The following ZNF280D variants were observed in gnomAD, a reference collection of about 807,000 sequenced individuals.
ZNF280D encodes suppressor of hairy wing homolog 4.
A neutral mutation model predicts 94.7 loss-of-function variants in ZNF280D; 39 were observed. That is an observed-to-expected ratio of 0.41 (90% CI 0.32 to 0.54). ZNF280D has a LOEUF of 0.54. Ranked by LOEUF, ZNF280D falls within the 20% of genes least tolerant of loss-of-function variation. The pLI is 0.22. For synonymous variants in ZNF280D, 398 were observed against 377.6 expected (o/e 1.05, Z -0.63); for missense variants, 1,090 against 1,149.3 (o/e 0.95, Z 0.75).
intron 21 of ZNF280D, chr15:56,634,241 C>G (rs572236036): frequency 9.2e-5 from 14 of 152,122 alleles, no homozygotes; most frequent in African/African-American, 3.4e-4. Context: ...ATTTCAATCA[C>G]TTAACTCATT....
intron 16 of ZNF280D, among the ~76,000 whole-genome samples, chr15:56,664,002 T>C (rs2054123476): frequency 6.6e-6 from 1 of 152,242 alleles, no homozygotes; most frequent in Admixed American, 6.5e-5. Context: ...ATATCACATG[T>C]ACTCCACAAA....
intron 16 of ZNF280D, among the ~76,000 whole-genome samples, chr15:56,659,585 A>G (rs1470065945): frequency 6.6e-6 from 1 of 152,074 alleles, no homozygotes; most frequent in Non-Finnish European, 1.5e-5. Context: ...GGAAAAAAAA[A>G]GTATAGTACA....
intron 19 of ZNF280D, among the ~76,000 whole-genome samples, chr15:56,646,272 T>A (rs1368444585): frequency 2.6e-5 from 4 of 151,782 alleles, no homozygotes; most frequent in African/African-American, 4.8e-5. Context: ...AAAAAATTTT[T>A]AAAAAATTAG....
intron 14 of ZNF280D, among the ~76,000 whole-genome samples, chr15:56,667,830 C>T (rs935775586): frequency 6.6e-6 from 1 of 152,044 alleles, no homozygotes; most frequent in African/African-American, 2.4e-5. Context: ...TGGGGCAATA[C>T]CTGCCTTATT....
chr15:56,716,307 T>C (rs1012517658), intron 1 of ZNF280D, among the ~76,000 whole-genome samples: 3 of 152,234 alleles, frequency 2.0e-5, no homozygotes, highest in African/African-American at 2.4e-5. Flanking sequence ...CCTGGAATTA[T>C]AGTCAGCATA....
chr15:56,663,259 G>A (rs2054071164), intron 16 of ZNF280D, among the ~76,000 whole-genome samples: 1 of 45,328 alleles, frequency 2.2e-5, no homozygotes, highest in South Asian at 7.3e-4. Context: ...ACTCCAGCCT[G>A]GGTTGGAGTG....
At chr15:56,700,764 T>G in intron 6 of ZNF280D, 169 bp downstream of exon 6, 1 of 1,507,504 alleles carries the variant, frequency 6.6e-7, no homozygotes, top group African/African-American at 1.4e-5. Context: ...AGTTATTACT[T>G]GGGGTACTGC....
In ZNF280D at chr15:56,666,881, T is replaced by C. The variant is rs374075559; in HGVS notation, c.1651A>G (p.Asn551Asp). The change falls in exon 15 of 22, where the codon AAT (asparagine) becomes GAT (aspartate). Residue 551 changes from asparagine to aspartate, a missense_variant. Asn to Asp is a conservative substitution (Grantham distance 23, BLOSUM62 1). Around this residue, in one of 3 missense-constraint regions of ZNF280D, gnomAD observed 577 missense variants for 568.8 expected, o/e 1.01. Coordinates refer to ENST00000267807, the MANE Select transcript of ZNF280D (RefSeq NM_017661.4). ...TLQLSPPRTKNITAKNPAKSN... is the reference protein window; with the variant it reads ...TLQLSPPRTKDITAKNPAKSN... Reference sequence around the variant, plus strand: ...TTTGCAGGATTTTTAGCAGTTATATTTTTAGTCCTTGGAGGTGAGAGCTGA... The same window carrying C: ...TTTGCAGGATTTTTAGCAGTTATATCTTTAGTCCTTGGAGGTGAGAGCTGA... 1.2e-5 allele frequency: 20 copies of C among 1,613,790 alleles called. No homozygotes were observed. Among genetic ancestry groups the C allele is most frequent in the Non-Finnish European group, 1.6e-5 (19 of 1,179,930 alleles).
At chr15:56,652,949 T>TATAAAA (rs2053296254) in intron 19 of ZNF280D, 1 of 917,852 alleles carries the variant, frequency 1.1e-6, no homozygotes, top group South Asian at 5.0e-5. Context: ...AATAATATAA[T>TATAAAA]ATAAAAATAG....
intron 1 of ZNF280D, among the ~76,000 whole-genome samples, chr15:56,722,166 G>T (rs559395565): frequency 7.6e-4 from 115 of 152,286 alleles, no homozygotes; most frequent in African/African-American, 2.7e-3. Flanking sequence ...CATTTTACAT[G>T]AGTGCAGTTT....
chr15:56,673,589 T>G (rs1395998787), intron 13 of ZNF280D, among the ~76,000 whole-genome samples: 3 of 152,070 alleles, frequency 2.0e-5, no homozygotes, highest in Non-Finnish European at 4.4e-5. Flanking sequence ...AATAAAAACA[T>G]GGCACATCTT....
intron 13 of ZNF280D, among the ~76,000 whole-genome samples, chr15:56,673,551 A>G (rs1004298581): frequency 4.6e-5 from 7 of 152,010 alleles, no homozygotes; most frequent in African/African-American, 1.7e-4. Flanking sequence ...TTTCTTCTCT[A>G]TGGACTTTTC....
At chr15:56,715,580 T>C (rs148263549) in intron 1 of ZNF280D, among the ~76,000 whole-genome samples, 80 of 152,244 alleles carry the variant, frequency 5.3e-4, no homozygotes, top group Non-Finnish European at 9.7e-4. Context: ...ACATGTAAAC[T>C]AGCAGAATGA....
At chr15:56,655,608 G>GA (rs1241808737) in intron 17 of ZNF280D, among the ~76,000 whole-genome samples, 1 of 152,218 alleles carries the variant, frequency 6.6e-6, no homozygotes, top group Non-Finnish European at 1.5e-5. Context: ...AGTACAGGAA[G>GA]AGTTTTTGTC....
In ZNF280D at chr15:56,632,981, A is replaced by G. The variant is rs138659645; in HGVS notation, c.2316-859T>C. Among the ~76,000 whole-genome samples the G allele has an allele frequency of 3.3e-3, 504 of 152,222 alleles. 1 individual carries two copies. The highest frequency in any genetic ancestry group is 6.0e-3 in the Non-Finnish European group (408 of 67,998). On this transcript the variant is annotated intron_variant, in intron 21 of 21. Coordinates refer to ENST00000267807, the MANE Select transcript of ZNF280D (RefSeq NM_017661.4). Reference sequence around the variant, plus strand: ...TGTGCATGTTTGTACACATATATATATGTGTGCTTCTGTGTGTTTCTTCTG... The same window carrying G: ...TGTGCATGTTTGTACACATATATATGTGTGTGCTTCTGTGTGTTTCTTCTG...
intron 1 of ZNF280D, among the ~76,000 whole-genome samples, chr15:56,728,981 T>C (rs147190884): frequency 1.3e-5 from 2 of 152,336 alleles, no homozygotes; most frequent in Non-Finnish European, 2.9e-5. Context: ...CAACTCATGA[T>C]ACTTTCAACT....
chr15:56,669,794 G>A (rs1481751600), intron 13 of ZNF280D, among the ~76,000 whole-genome samples: 2 of 117,642 alleles, frequency 1.7e-5, no homozygotes, highest in African/African-American at 3.3e-5. Context: ...GACATTACCA[G>A]GGCCCTGATC....
chr15:56,686,746 T>C (rs1334387652), intron 9 of ZNF280D, among the ~76,000 whole-genome samples: 1 of 152,130 alleles, frequency 6.6e-6, no homozygotes, highest in Non-Finnish European at 1.5e-5. Context: ...ACAAAAAGGA[T>C]TTGTGAAAAC....
At chr15:56,692,250 T>C (rs1198450994) in intron 7 of ZNF280D, among the ~76,000 whole-genome samples, 2 of 151,944 alleles carry the variant, frequency 1.3e-5, no homozygotes, top group Admixed American at 1.3e-4. Context: ...TCAAATCAAG[T>C]ATTAAAAAAT....
Sources: allele counts gnomAD v4.1 joint callset (sites outside exome capture counted in the v4.1 genomes callset), GRCh38; gene constraint gnomAD v4.1.1; regional missense constraint gnomAD v4.1.1; transcripts MANE v1.5; gene names NCBI Gene and HGNC (gene_info 2026-07-23, HGNC 2026-07-21).